FGF13: variants seen among roughly 807,000 people sequenced by gnomAD.
FGF13 encodes the protein fibroblast growth factor homologous factor 2.
FGF13 carries 2 observed loss-of-function variants against 19.5 expected under a neutral mutation model. The observed-to-expected ratio is 0.10, with a 90% CI of 0.04 to 0.32. The LOEUF is 0.32. Ranked by LOEUF, FGF13 falls within the 10% of genes least tolerant of loss-of-function variation. The pLI, the probability that FGF13 is intolerant of heterozygous loss-of-function variation, is 1.00. For missense variants in FGF13, 113 were observed against 192.7 expected, an observed-to-expected ratio of 0.59 and a Z score of 2.45; for synonymous variants, 72 against 76.9, an observed-to-expected ratio of 0.94 and a Z score of 0.33.
At chrX:139,079,210 T>G (rs951267744) in intron 1 of FGF13, among the ~76,000 whole-genome samples, 4 of 111,242 alleles carry the variant, frequency 3.6e-5, no homozygotes, top group Non-Finnish European at 5.7e-5. Context: ...GCAGAAAGCA[T>G]ACCCTATTTT....
intron 3 of FGF13, among the ~76,000 whole-genome samples, chrX:138,833,167 G>T (rs1009375054): frequency 3.6e-5 from 4 of 111,836 alleles, no homozygotes; most frequent in African/African-American, 1.3e-4. Flanking sequence ...GGTTCCATAT[G>T]AATTTTAAAA....
At chrX:139,116,694 A>G (rs1169043834) in intron 1 of FGF13, among the ~76,000 whole-genome samples, 3 of 111,259 alleles carry the variant, frequency 2.7e-5, no homozygotes, top group Admixed American at 9.6e-5. Context: ...GCGGGGGGAA[A>G]AAAATCCATT....
intron 1 of FGF13, among the ~76,000 whole-genome samples, chrX:138,872,599 C>T (rs1466288455): frequency 1.8e-5 from 2 of 111,956 alleles, no homozygotes; most frequent in African/African-American, 6.5e-5. Flanking sequence ...TGGAGTTGAC[C>T]AGATGACCTC....
At chrX:138,914,405 C>T (rs2091607451) in intron 1 of FGF13, among the ~76,000 whole-genome samples, 3 of 111,402 alleles carry the variant, frequency 2.7e-5, no homozygotes, top group African/African-American at 9.8e-5. Flanking sequence ...TCTCAGCCTG[C>T]TCTTTCTGAA....
intron 1 of FGF13, among the ~76,000 whole-genome samples, chrX:138,987,978 A>G (rs918542218): frequency 8.9e-6 from 1 of 112,283 alleles, no homozygotes; most frequent in African/African-American, 3.2e-5. Context: ...TTTTATTGTT[A>G]CACATAAAAA....
chrX:138,778,102 C>T lies in FGF13; in HGVS notation c.218-69174G>A, dbSNP rs371709199. ...GGTCTACAGCTCCCAGCCTGAGCGA[C>T]GCAGAAGACAGGTGATTTCTGCATT... On this transcript the variant is annotated intron_variant, in intron 3 of 6. Coordinates refer to the FGF13 transcript ENST00000436198. Among the ~76,000 whole-genome samples, 31 of 103,557 alleles carry T rather than the reference C, an allele frequency of 3.0e-4. No individual in the cohort carries two copies. In the East Asian group the frequency reaches 3.4e-3, roughly 11 times the overall value. 89.9% of individuals were successfully genotyped at this position (103,557 alleles called of 115,157 possible). A position where few individuals can be genotyped will look rare whatever the true frequency, so the allele number is the denominator to read the frequency against.
intron 3 of FGF13, among the ~76,000 whole-genome samples, chrX:138,648,539 T>C (rs983172950): frequency 1.8e-5 from 2 of 111,891 alleles, no homozygotes; most frequent in South Asian, 3.8e-4. Context: ...AAGGGTAAGA[T>C]AGTCTCTGTG....
chrX:138,638,279 C>T (rs781099044), intron 3 of FGF13, among the ~76,000 whole-genome samples: 1 of 112,010 alleles, frequency 8.9e-6, no homozygotes. Flanking sequence ...TGCCTTCCAG[C>T]GTCATCTTCC....
At chrX:138,662,214 G>A (rs2089496755) in intron 3 of FGF13, among the ~76,000 whole-genome samples, 1 of 111,498 alleles carries the variant, frequency 9.0e-6, no homozygotes, top group African/African-American at 3.3e-5. Flanking sequence ...CACTTCCTGA[G>A]CATTGACAAA....
rs747077815 is a variant in FGF13, at chrX:138,898,568, T to C, written c.-112-33918A>G. ...AATTATTTCACCTTCAGTCAATGTG[T>C]CCAGACTCCCTTTTTTCCCCTCTGT... is the stretch of plus-strand genomic sequence containing the variant. On this transcript the variant is annotated intron_variant, in intron 1 of 2. Coordinates refer to the FGF13 transcript ENST00000421460. 4.5e-5 allele frequency among the ~76,000 whole-genome samples: 5 copies of C among 112,070 alleles called. No homozygotes were observed. The South Asian group carries it at 1.9e-3, about 42-fold the overall frequency.
chrX:139,183,382 T>G (rs1374609640), intron 1 of FGF13, among the ~76,000 whole-genome samples: 2 of 111,608 alleles, frequency 1.8e-5, no homozygotes, highest in African/African-American at 3.3e-5. Flanking sequence ...TTTGGATGTG[T>G]GTCCCCTACA....
At chrX:138,895,728 C>T (rs1321268856) in intron 1 of FGF13, among the ~76,000 whole-genome samples, 3 of 111,752 alleles carry the variant, frequency 2.7e-5, no homozygotes, top group African/African-American at 9.8e-5. Context: ...GTTTTATTCA[C>T]AATAGGCAAG....
chrX:139,096,452 G>T (rs1307567011), intron 1 of FGF13, among the ~76,000 whole-genome samples: 1 of 111,722 alleles, frequency 9.0e-6, no homozygotes, highest in African/African-American at 3.3e-5. Context: ...ATCAGGAGAA[G>T]TACACTAGTT....
chrX:138,927,610 C>A (rs747079417), intron 1 of FGF13, among the ~76,000 whole-genome samples: 1 of 112,317 alleles, frequency 8.9e-6, no homozygotes, highest in Non-Finnish European at 1.9e-5. Flanking sequence ...AAAAACATGT[C>A]TTCGTAATAG....
At chrX:138,664,127 A>G (rs1316461574) in intron 3 of FGF13, among the ~76,000 whole-genome samples, 1 of 111,835 alleles carries the variant, frequency 8.9e-6, no homozygotes, top group Non-Finnish European at 1.9e-5. Flanking sequence ...TGGCTGTTCC[A>G]GTGGCCTGTT....
chrX:139,174,330 A>G (rs1330570555), intron 1 of FGF13, among the ~76,000 whole-genome samples: 1 of 112,097 alleles, frequency 8.9e-6, no homozygotes, highest in Non-Finnish European at 1.9e-5. Context: ...AGAATGCAAA[A>G]ATTTTCTCCC....
chrX:138,843,017 T>G (rs1451301203), intron 3 of FGF13, among the ~76,000 whole-genome samples: 1 of 111,831 alleles, frequency 8.9e-6, no homozygotes, highest in Non-Finnish European at 1.9e-5. Flanking sequence ...TTATCAAGTA[T>G]GAGAATGTGT....
chrX:138,736,539 C>T (rs912021001), intron 1 of FGF13, among the ~76,000 whole-genome samples: 2 of 110,081 alleles, frequency 1.8e-5, no homozygotes, highest in African/African-American at 3.3e-5. Flanking sequence ...GAGGCACTGC[C>T]CAGGTGATAA....
intron 3 of FGF13, among the ~76,000 whole-genome samples, chrX:138,811,840 C>T (rs983340533): frequency 9.0e-6 from 1 of 110,780 alleles, no homozygotes; most frequent in Non-Finnish European, 1.9e-5. Flanking sequence ...ATCACAAAAA[C>T]TAAACTTTAC....
Sources: gnomAD v4.1 joint callset for allele counts (sites outside exome capture counted in the v4.1 genomes callset) on GRCh38, gnomAD v4.1.1 for gene constraint, MANE v1.5 for transcripts, NCBI Gene and HGNC (gene_info 2026-07-23, HGNC 2026-07-21) for gene names.